Variants in AKNA observed in about 807,000 individuals in gnomAD.
AKNA encodes the protein microtubule organization protein AKNA.
Under a neutral mutation model 138.8 loss-of-function variants are expected in AKNA, and 67 were observed. That is an observed-to-expected ratio of 0.48 (90% confidence interval 0.40 to 0.59). AKNA has a LOEUF of 0.59. AKNA is among the 20% of genes least tolerant of loss of function. The pLI is 0.00. For missense variants in AKNA, 1,813 were observed against 1,880.4 expected (o/e 0.96, Z 0.66); for synonymous variants, 737 against 754.4 (o/e 0.98, Z 0.38).
At chr9:114,339,912 C>T (rs1176065455) in intron 21 of AKNA, among the ~76,000 whole-genome samples, 1 of 152,192 alleles carries the variant, frequency 6.6e-6, no homozygotes, top group Admixed American at 6.5e-5. Flanking sequence ...GCCTGGCCAA[C>T]ATGGCGAAAC....
chr9:114,346,899 G>C, intron 16 of AKNA, 115 bp from the exon 17 acceptor site: 1 of 851,938 alleles, frequency 1.2e-6, no homozygotes, highest in Non-Finnish European at 1.8e-6. Flanking sequence ...AAGGAAGAGA[G>C]TATAGAAGTC....
intron 11 of AKNA, chr9:114,358,373 A>C: frequency 1.7e-6 from 1 of 601,988 alleles, no homozygotes; most frequent in Non-Finnish European, 2.8e-6. Context: ...CAACTATAAA[A>C]TATGGATGCC....
intron 14 of AKNA, 129 bp downstream of exon 14, chr9:114,355,796 G>T: frequency 9.9e-7 from 1 of 1,010,528 alleles, no homozygotes. Context: ...TTTTGTCCAC[G>T]TTATCTGTAA....
intron 1 of AKNA, chr9:114,383,073 G>C (rs1230079096): frequency 8.8e-6 from 4 of 454,418 alleles, no homozygotes; most frequent in Non-Finnish European, 1.8e-5. Flanking sequence ...GGCTTTCCTG[G>C]ACCTGGGAGT....
rs1832982783 is a variant in AKNA at position 114,373,944 on chromosome 9, AG to A, written c.1416+148del. 3 of 677,260 alleles carry A rather than the reference AG, an allele frequency of 4.4e-6. No homozygotes were observed. The East Asian group carries it at 9.2e-5, about 21-fold the overall frequency. The allele number at this position is 677,260 out of a possible 1,614,324, so 42.0% of individuals were successfully genotyped here. A position where few individuals can be genotyped will look rare whatever the true frequency, so the allele number is the denominator to read the frequency against. On this transcript the variant is annotated intron_variant, in intron 4 of 21. Coordinates refer to ENST00000374088, the MANE Select transcript of AKNA (RefSeq NM_001317950.2). Reference sequence around the variant, plus strand: ...GCAAGGTCACTGCCCAAGGTCACAGAGGGACCTTGGGGTAGAAGAAAACTGG... The same window carrying A: ...GCAAGGTCACTGCCCAAGGTCACAGAGGACCTTGGGGTAGAAGAAAACTGG...
At chr9:114,331,375 A>G (rs376208862), downstream of AKNA, among the ~76,000 whole-genome samples, 7 of 152,072 alleles carry the variant, frequency 4.6e-5, no homozygotes, top group African/African-American at 1.7e-4. Flanking sequence ...GGCTCCTGAG[A>G]TCTCATGTAC....
At position 114,345,991 on chromosome 9, in the gene AKNA, G is replaced by C. The variant is rs757988264; in HGVS notation, c.3533C>G (p.Pro1178Arg). 1 of 1,613,726 alleles carries C rather than the reference G, an allele frequency of 6.2e-7. No homozygotes were observed. Among genetic ancestry groups the C allele is most frequent in the South Asian group, 1.1e-5 (1 of 91,044 alleles). The change falls in exon 18 of 22, where the codon CCC (proline) becomes CGC (arginine). Residue 1178 changes from proline to arginine, a missense_variant. Physicochemically the swap from Pro to Arg is moderately radical, Grantham distance 103 (BLOSUM62 -2). Coordinates refer to ENST00000374088, the MANE Select transcript of AKNA (RefSeq NM_001317950.2). The part of the protein sequence containing the change: ...RLSLSSESEL[P>R]SLPLFSEKSK... ...CTTCTCAGAGAACAGTGGTAGGGAG[G>C]GCAGCTCAGATTCTGAACCTGGGGT...
At chr9:114,352,143 C>T (rs546372803) in intron 14 of AKNA, among the ~76,000 whole-genome samples, 4 of 152,232 alleles carry the variant, frequency 2.6e-5, no homozygotes, top group South Asian at 4.1e-4. Flanking sequence ...GGTGATGGAA[C>T]GTTCTGTATC....
intron 7 of AKNA, among the ~76,000 whole-genome samples, chr9:114,364,239 T>C (rs1832174089): frequency 6.6e-6 from 1 of 152,000 alleles, no homozygotes; most frequent in South Asian, 2.1e-4. Context: ...GAGTCACCCC[T>C]CTGAGCTTCA....
At chr9:114,374,011 G>A (rs555683415) in intron 4 of AKNA, 82 bp downstream of exon 4, 2 of 1,422,524 alleles carry the variant, frequency 1.4e-6, no homozygotes, top group South Asian at 2.5e-5. Flanking sequence ...GGAGGAGGCA[G>A]TGGCCTTTCT....
At position 114,337,291 on chromosome 9, in the gene AKNA, T is replaced by C. The variant is rs377542846; in HGVS notation, c.4083A>G (p.Ala1361=). 6.6e-7 allele frequency: 1 copy of C among 1,510,368 alleles called. No homozygotes were observed. The allele number at this position is 1,510,368 out of a possible 1,614,324, so 93.6% of individuals were successfully genotyped here. A position where few individuals can be genotyped will look rare whatever the true frequency, so the allele number is the denominator to read the frequency against. Reference sequence around the variant, plus strand: ...CAGCTGGTTGGGCTGAGGTAGGTCCTGCAGGCGCATAGTACCTGAGGAGAG... The same window carrying C: ...CAGCTGGTTGGGCTGAGGTAGGTCCCGCAGGCGCATAGTACCTGAGGAGAG... ...YPPAAVYYAP[A]GPTSAQPAAK... is the part of the protein sequence containing the mutation. The change falls in exon 22 of 22, where the codon GCA becomes GCG. Residue 1361 remains alanine, a synonymous_variant. Transcript: ENST00000374088.
At chr9:114,382,027 T>C (rs1322240035) in intron 1 of AKNA, among the ~76,000 whole-genome samples, 1 of 152,200 alleles carries the variant, frequency 6.6e-6, no homozygotes, top group Non-Finnish European at 1.5e-5. Flanking sequence ...AGGTGTTGAA[T>C]GCATGCTAGC....
At chr9:114,349,030 T>G (rs1347388572) in intron 15 of AKNA, 1 of 450,584 alleles carries the variant, frequency 2.2e-6, no homozygotes, top group East Asian at 7.0e-5. Flanking sequence ...GGGCAGTGGG[T>G]TCCCTTGGTA....
rs183121523 is a variant in AKNA, at chr9:114,348,757, C to A, written c.3222-857G>T. On this transcript the variant is annotated intron_variant, in intron 15 of 21. Transcript: ENST00000374088. ...ACAATCCTACCCAGATACCCCTCCC[C>A]ACAAGACCCCCTCAACCACGGAGCA... 1.0e-4 allele frequency: 43 copies of A among 422,498 alleles called. No individual in the cohort carries two copies. In the East Asian group the frequency reaches 3.1e-3, roughly 30 times the overall value. The allele number at this position is 422,498 out of a possible 1,614,324, so 26.2% of individuals were successfully genotyped here.
intron 1 of AKNA, among the ~76,000 whole-genome samples, chr9:114,386,593 G>A (rs914715279): frequency 1.3e-5 from 2 of 152,086 alleles, no homozygotes; most frequent in African/African-American, 2.4e-5. Context: ...CAGGGTCCCC[G>A]CCATCCCTGG....
chr9:114,330,603 C>T (rs749925705), downstream of AKNA: 2 of 1,610,964 alleles, frequency 1.2e-6, no homozygotes, highest in South Asian at 2.2e-5. Flanking sequence ...CAATGCACCC[C>T]CATCTCAGCT....
At chr9:114,351,463 T>G (rs1381674789) in intron 14 of AKNA, among the ~76,000 whole-genome samples, 1 of 152,008 alleles carries the variant, frequency 6.6e-6, no homozygotes, top group African/African-American at 2.4e-5. Context: ...TTAACGAATC[T>G]CCCAAAGGGA....
chr9:114,362,887 C>G (rs1832080286), intron 7 of AKNA, among the ~76,000 whole-genome samples: 1 of 152,168 alleles, frequency 6.6e-6, no homozygotes, highest in African/African-American at 2.4e-5. Context: ...CCATAAGGAC[C>G]CTTTACATGA....
At chr9:114,371,103 C>T (rs1460108318) in intron 4 of AKNA, among the ~76,000 whole-genome samples, 1 of 152,184 alleles carries the variant, frequency 6.6e-6, no homozygotes. Context: ...CAGAGCCCAC[C>T]AGTGACTCCT....
Sources: gnomAD v4.1 joint callset for allele counts (sites outside exome capture counted in the v4.1 genomes callset) on GRCh38, gnomAD v4.1.1 for gene constraint, MANE v1.5 for transcripts, NCBI Gene and HGNC (gene_info 2026-07-23, HGNC 2026-07-21) for gene names.